MTG1: variants seen among roughly 807,000 people sequenced by gnomAD.
MTG1 encodes the protein mitochondrial ribosome-associated GTPase 1.
A neutral mutation model predicts 39.5 loss-of-function variants in MTG1; 30 were observed. The observed-to-expected ratio is 0.76, with a 90% CI of 0.57 to 1.03. The LOEUF is 1.03. Ranked by LOEUF, MTG1 falls within the 50% of genes least tolerant of loss-of-function variation. The probability of loss-of-function intolerance (pLI) is 0.00; values close to 1 mark genes in which losing one functional copy is unlikely to be tolerated. For synonymous variants in MTG1, 217 were observed against 179.0 expected (o/e 1.21, Z -1.69); for missense variants, 513 against 447.4 (o/e 1.15, Z -1.32).
intron 9 of MTG1, among the ~76,000 whole-genome samples, chr10:133,414,530 C>T (rs1010077365): frequency 4.8e-5 from 7 of 144,796 alleles, no homozygotes; most frequent in Admixed American, 2.1e-4. Flanking sequence ...CAGACGGGGT[C>T]GCGGCCGGGC....
In MTG1 at chr10:133,399,743, G is replaced by A. The variant is rs183191717; in HGVS notation, c.511+124G>A. The A allele has an allele frequency of 1.4e-3, 1,358 of 944,666 alleles. 11 individuals are homozygous for A. The African/African-American group carries it at 0.018, about 12-fold the overall frequency. The allele number at this position is 944,666 out of a possible 1,614,324, so 58.5% of individuals were successfully genotyped here. A position where few individuals can be genotyped will look rare whatever the true frequency, so the allele number is the denominator to read the frequency against. ...GCACTGCCAGTCTTCTGCTGACCCC[G>A]CAGCCCCAGAGCACATCTTGTCTCG... On this transcript the variant is annotated intron_variant, in intron 6 of 10. Transcript: ENST00000317502.
At position 133,402,701 on chromosome 10, in the gene MTG1, T is replaced by A. The variant is rs1432774722; in HGVS notation, c.680T>A (p.Leu227Gln). ...GCTGCTGCTTCCACAGGAACGGTGC[T>A]GGACCACCTGGTCGGGGAGGAGACC... The part of the protein sequence containing the change: ...GLKLALCGTV[L>Q]DHLVGEETMA... The change falls in exon 9 of 11, where the codon CTG (leucine) becomes CAG (glutamine). Residue 227 changes from leucine (L) to glutamine (Q), a missense_variant. Coordinates refer to ENST00000317502, the MANE Select transcript of MTG1 (RefSeq NM_138384.4). The surrounding 1 kb of genome is among the most constrained non-coding windows in gnomAD (Gnocchi z 4.7). 6.2e-7 allele frequency: 1 copy of A among 1,606,610 alleles called. No homozygotes were observed. The highest frequency in any genetic ancestry group is 1.7e-5 in the Admixed American group (1 of 59,058).
Position 133,394,282 on chromosome 10 carries a change from C to G in MTG1, c.62C>G (p.Pro21Arg), listed in dbSNP as rs1467503867. The part of the protein sequence containing the change: ...AAQAAWRENF[P>R]LCGRDVARWF... The stretch of plus-strand genomic sequence containing the variant: ...CAGGCCGCCTGGCGGGAGAACTTCC[C>G]CCTGTGCGGTCGCGACGTGGCGCGC... The change falls in exon 1 of 11, where the codon CCC becomes CGC. Residue 21 changes from proline (P) to arginine (R), a missense_variant. Transcript: ENST00000317502. The G allele has an allele frequency of 1.1e-5, 17 of 1,517,444 alleles. No homozygotes were observed. The highest frequency in any genetic ancestry group is 1.5e-5 in the Non-Finnish European group (17 of 1,137,074). The allele number at this position is 1,517,444 out of a possible 1,614,324, so 94.0% of individuals were successfully genotyped here.
chr10:133,408,581 G>T (rs1442610771), intron 9 of MTG1, among the ~76,000 whole-genome samples: 5 of 152,188 alleles, frequency 3.3e-5, no homozygotes, highest in African/African-American at 1.2e-4. Context: ...GACTTTGGAA[G>T]TGTTCCCCCC....
In MTG1 at chr10:133,394,183, A is replaced by G. The variant is rs1345574628; in HGVS notation, c.-38A>G. The stretch of plus-strand genomic sequence containing the variant: ...GAGGCGGGTCGCAGCGGCGCAGAGG[A>G]GGTCAGCTGCGGGAGCGTTTCCGGG... On this transcript the variant is annotated 5_prime_UTR_variant, in exon 1 of 11. Coordinates refer to ENST00000317502, the MANE Select transcript of MTG1 (RefSeq NM_138384.4). 1 of 1,443,966 alleles carries G rather than the reference A, an allele frequency of 6.9e-7. No homozygotes were observed. Among genetic ancestry groups the G allele is most frequent in the Non-Finnish European group, 9.3e-7 (1 of 1,075,984 alleles). 89.4% of individuals were successfully genotyped at this position (1,443,966 alleles called of 1,614,324 possible).
intron 4 of MTG1, 128 bp from the exon 5 acceptor site, chr10:133,399,041 TG>T: frequency 9.8e-7 from 1 of 1,023,650 alleles, no homozygotes; most frequent in Admixed American, 2.0e-5. Flanking sequence ...AGGAGGTTTC[TG>T]TTTTCCTAAC....
intron 9 of MTG1, among the ~76,000 whole-genome samples, chr10:133,416,710 A>G (rs1442791380): frequency 1.4e-5 from 2 of 146,618 alleles, no homozygotes; most frequent in African/African-American, 2.5e-5. Context: ...AATTTCATCC[A>G]TGTCCCTACA....
In MTG1 at chr10:133,402,678, T is replaced by C; in HGVS notation, c.671-14T>C. On this transcript the variant is annotated splice_polypyrimidine_tract_variant and intron_variant, in intron 8 of 10. Transcript: ENST00000317502. This position sits in a 1 kb window ranked among gnomAD's most constrained non-coding sequence, Gnocchi z 4.7. ...GGCTGTTTCCAGTGCTCACCTCGGC[T>C]GCTGCTTCCACAGGAACGGTGCTGG... 1 of 1,595,830 alleles carries C rather than the reference T, an allele frequency of 6.3e-7. No homozygotes were observed. Among genetic ancestry groups the C allele is most frequent in the Non-Finnish European group, 8.5e-7 (1 of 1,171,374 alleles).
intron 3 of MTG1, 63 bp downstream of exon 3, chr10:133,396,330 C>A: frequency 7.0e-7 from 1 of 1,419,638 alleles, no homozygotes; most frequent in Non-Finnish European, 9.9e-7. Flanking sequence ...GTCGCTTGTT[C>A]TAACGGAAGA....
In MTG1 at chr10:133,394,233, C is replaced by CCG. The variant is rs1410321286; in HGVS notation, c.21_22dup (p.Leu8ArgfsTer33). On this transcript the variant is annotated frameshift_variant, in exon 1 of 11. Transcript: ENST00000317502. LOFTEE classifies it high-confidence loss of function. ...GGACGGTGCCGCCATGAGATTGACC[C>CCG]CGCGCGCGCTGTGCAGCGCCGCCCA... 6.6e-7 allele frequency: 1 copy of CCG among 1,517,020 alleles called. No individual in the cohort carries two copies. The highest frequency in any genetic ancestry group is 8.8e-7 in the Non-Finnish European group (1 of 1,137,234). The allele number at this position is 1,517,020 out of a possible 1,614,324, so 94.0% of individuals were successfully genotyped here.
chr10:133,401,618 A>T (rs1159414294), intron 7 of MTG1, 28 bp downstream of exon 7: 2 of 1,612,002 alleles, frequency 1.2e-6, no homozygotes, highest in Non-Finnish European at 1.7e-6. Context: ...CAGGCCCAGC[A>T]CTCTGTCAAG....
At chr10:133,406,162 C>T (rs1202334047) in intron 9 of MTG1, among the ~76,000 whole-genome samples, 1 of 152,130 alleles carries the variant, frequency 6.6e-6, no homozygotes, top group African/African-American at 2.4e-5. Context: ...TTCAGATCTT[C>T]TGTCCATTTT....
At chr10:133,415,112 G>C (rs754366506) in intron 9 of MTG1, among the ~76,000 whole-genome samples, 5 of 152,222 alleles carry the variant, frequency 3.3e-5, no homozygotes, top group Non-Finnish European at 7.3e-5. Context: ...CAGAGATGGC[G>C]GCAGTACAGT....
intron 9 of MTG1, among the ~76,000 whole-genome samples, chr10:133,404,172 GGC>G (rs1427196686): frequency 8.2e-6 from 1 of 121,962 alleles, no homozygotes; most frequent in Non-Finnish European, 1.6e-5. Flanking sequence ...CAGTTACCCA[GGC>G]TGAAGTGCAG....
intron 9 of MTG1, among the ~76,000 whole-genome samples, chr10:133,406,216 A>G (rs959874587): frequency 1.3e-5 from 2 of 152,146 alleles, no homozygotes; most frequent in East Asian, 1.9e-4. Flanking sequence ...TGAATTGCTT[A>G]TATAATCTGG....
chr10:133,420,162 C>T lies in MTG1; in HGVS notation c.1002C>T (p.Pro334=). The T allele has an allele frequency of 1.9e-6, 3 of 1,608,508 alleles. No homozygotes were observed. Among genetic ancestry groups the T allele is most frequent in the East Asian group, 2.2e-5 (1 of 44,798 alleles). Reference sequence around the variant, plus strand: ...GCCACCCCCCGGCTGAGACTTTGCCCTGAACTTGTCCGGGTAGGGAGGGCC... The same window carrying T: ...GCCACCCCCCGGCTGAGACTTTGCCTTGAACTTGTCCGGGTAGGGAGGGCC... The part of the protein sequence containing the change: ...LRGHPPAETL[P] Residue 334 remains proline (P), a synonymous_variant, in exon 11 of 11, where the codon CCC becomes CCT. Transcript: ENST00000317502.
chr10:133,394,756 C>T (rs1464918377), intron 1 of MTG1: 4 of 997,358 alleles, frequency 4.0e-6, no homozygotes, highest in Non-Finnish European at 4.8e-6. Flanking sequence ...TCAGTTTTAA[C>T]TGGTATCTTG....
At chr10:133,403,715 A>T (rs1015940412) in intron 9 of MTG1, among the ~76,000 whole-genome samples, 3 of 152,156 alleles carry the variant, frequency 2.0e-5, no homozygotes, top group Non-Finnish European at 4.4e-5. Flanking sequence ...GCTATTGCAG[A>T]TAAAGCTGCT....
intron 9 of MTG1, among the ~76,000 whole-genome samples, chr10:133,415,791 G>GT (rs1045710073): frequency 1.7e-4 from 26 of 152,194 alleles, no homozygotes; most frequent in Non-Finnish European, 3.7e-4. Context: ...ATCTGCAGGT[G>GT]TTTTTTCTGT....
Sources: gnomAD v4.1 joint callset for allele counts (sites outside exome capture counted in the v4.1 genomes callset) on GRCh38, gnomAD v4.1.1 for gene constraint, Gnocchi (gnomAD v3.1) non-coding constraint, MANE v1.5 for transcripts, NCBI Gene and HGNC (gene_info 2026-07-23, HGNC 2026-07-21) for gene names.